Variants in ERC1 observed in about 807,000 individuals in gnomAD.
ERC1 encodes ELKS/RAB6-interacting/CAST family member 1.
Under a neutral mutation model 132.0 loss-of-function variants are expected in ERC1, and 56 were observed. That is an observed-to-expected ratio of 0.42 (90% CI 0.34 to 0.53). ERC1 has a LOEUF of 0.53. ERC1 is among the 20% of genes least tolerant of loss of function. ERC1 has a pLI of 0.03. For missense variants in ERC1, 1,202 were observed against 1,349.9 expected, an observed-to-expected ratio of 0.89 and a Z score of 1.72; for synonymous variants, 478 against 476.1, an observed-to-expected ratio of 1.00 and a Z score of -0.05.
chr12:1,006,204 G>C (rs10849616), intron 1 of ERC1, among the ~76,000 whole-genome samples: 1 of 151,572 alleles, frequency 6.6e-6, no homozygotes, highest in South Asian at 2.1e-4. Context: ...TGATCCACCC[G>C]CCTCGGCCTC....
At chr12:1,225,079 G>A (rs943092192) in intron 12 of ERC1, among the ~76,000 whole-genome samples, 1 of 152,028 alleles carries the variant, frequency 6.6e-6, no homozygotes, top group African/African-American at 2.4e-5. Context: ...CATTATATGT[G>A]TGTATATACA....
chr12:1,445,391 G>A (rs758048747), intron 18 of ERC1, among the ~76,000 whole-genome samples: 7 of 151,864 alleles, frequency 4.6e-5, no homozygotes, highest in Non-Finnish European at 8.8e-5. Flanking sequence ...CAACATGCCC[G>A]GCTAGTTTTT....
At chr12:1,369,773 C>G (rs1204604275) in intron 15 of ERC1, among the ~76,000 whole-genome samples, 1 of 152,124 alleles carries the variant, frequency 6.6e-6, no homozygotes, top group African/African-American at 2.4e-5. Flanking sequence ...AGTTGCCTGC[C>G]ATTTCTTAGA....
At chr12:992,463 G>A (rs1959753286) in intron 1 of ERC1, among the ~76,000 whole-genome samples, 1 of 152,126 alleles carries the variant, frequency 6.6e-6, no homozygotes, top group Admixed American at 6.5e-5. Flanking sequence ...GTGCTAAATT[G>A]TTGAAATTTT....
At chr12:1,135,878 G>C (rs1949200162) in intron 7 of ERC1, among the ~76,000 whole-genome samples, 3 of 152,182 alleles carry the variant, frequency 2.0e-5, no homozygotes, top group South Asian at 4.1e-4. Flanking sequence ...CTTTGTTAGG[G>C]CAGTCCTAAG....
intron 2 of ERC1, among the ~76,000 whole-genome samples, chr12:1,041,463 T>A (rs1477955525): frequency 6.6e-6 from 1 of 152,134 alleles, no homozygotes; most frequent in Admixed American, 6.5e-5. Flanking sequence ...TGCCTCAGCC[T>A]CCCAAAGTGC....
At chr12:1,290,142 A>T (rs2079338101) in intron 15 of ERC1, 130 bp downstream of exon 15, 6 of 736,904 alleles carry the variant, frequency 8.1e-6, no homozygotes, top group Middle Eastern at 3.9e-4. Flanking sequence ...TGTATTTCTC[A>T]CTCTCTAGAA....
At chr12:1,127,142 A>C (rs1278458024) in intron 7 of ERC1, among the ~76,000 whole-genome samples, 1 of 152,140 alleles carries the variant, frequency 6.6e-6, no homozygotes, top group Admixed American at 6.5e-5. Flanking sequence ...AAGAAATGCA[A>C]ATTTCAAAGA....
At chr12:1,011,301 C>T (rs1964643420) in intron 1 of ERC1, among the ~76,000 whole-genome samples, 1 of 152,166 alleles carries the variant, frequency 6.6e-6, no homozygotes. Flanking sequence ...ACCTTTTGGG[C>T]TCAAGCTATC....
chr12:1,280,652 G>A (rs1254552860), intron 14 of ERC1, among the ~76,000 whole-genome samples: 8 of 152,188 alleles, frequency 5.3e-5, no homozygotes, highest in East Asian at 1.9e-4. Context: ...GGTTTTAGTC[G>A]CTTACAAAGG....
At chr12:1,272,644 C>T (rs979689591) in intron 14 of ERC1, among the ~76,000 whole-genome samples, 1 of 152,084 alleles carries the variant, frequency 6.6e-6, no homozygotes, top group Non-Finnish European at 1.5e-5. Context: ...CATCCATGGT[C>T]TTCTCATAAA....
intron 17 of ERC1, among the ~76,000 whole-genome samples, chr12:1,414,536 G>A (rs559176251): frequency 1.3e-5 from 2 of 152,280 alleles, no homozygotes; most frequent in Admixed American, 6.5e-5. Flanking sequence ...TAGCAATGAC[G>A]TTGCTGACTC....
chr12:1,279,302 A>G (rs771885232), intron 14 of ERC1, among the ~76,000 whole-genome samples: 1 of 152,238 alleles, frequency 6.6e-6, no homozygotes, highest in Non-Finnish European at 1.5e-5. Flanking sequence ...TAACCCCATG[A>G]CATAGTATGA....
At chr12:1,109,722 C>T (rs1229002880) in intron 4 of ERC1, among the ~76,000 whole-genome samples, 1 of 152,124 alleles carries the variant, frequency 6.6e-6, no homozygotes, top group Non-Finnish European at 1.5e-5. Context: ...GCTTCTCCTC[C>T]CACTCAAATG....
At chr12:1,044,800 C>T (rs1371565920) in intron 2 of ERC1, among the ~76,000 whole-genome samples, 7 of 152,086 alleles carry the variant, frequency 4.6e-5, no homozygotes, top group African/African-American at 1.4e-4. Context: ...CCAGCCCAGC[C>T]TTAATATTCC....
intron 15 of ERC1, among the ~76,000 whole-genome samples, chr12:1,365,637 G>A (rs1388022734): frequency 1.3e-5 from 2 of 152,190 alleles, no homozygotes; most frequent in Non-Finnish European, 2.9e-5. Flanking sequence ...AGAGTATATA[G>A]AGTAACTGCA....
At chr12:1,478,604 T>C (rs1020926996) in intron 18 of ERC1, among the ~76,000 whole-genome samples, 1 of 151,882 alleles carries the variant, frequency 6.6e-6, no homozygotes, top group Non-Finnish European at 1.5e-5. Flanking sequence ...CCATCCTGGC[T>C]AACACGGTGA....
intron 18 of ERC1, among the ~76,000 whole-genome samples, chr12:1,450,488 C>T (rs1460972482): frequency 6.6e-6 from 1 of 152,210 alleles, no homozygotes; most frequent in Non-Finnish European, 1.5e-5. Context: ...GTCAGAATTT[C>T]GTTCCTTTTT....
At chr12:1,131,885 C>T (rs1948799864) in intron 7 of ERC1, among the ~76,000 whole-genome samples, 2 of 152,194 alleles carry the variant, frequency 1.3e-5, no homozygotes, top group South Asian at 4.1e-4. Flanking sequence ...TTGAAGTTGG[C>T]ATGACCTGTT....
Sources: allele counts gnomAD v4.1 joint callset (sites outside exome capture counted in the v4.1 genomes callset), GRCh38; gene constraint gnomAD v4.1.1; transcripts MANE v1.5; gene names NCBI Gene and HGNC (gene_info 2026-07-23, HGNC 2026-07-21).